CDH13: variants seen among roughly 807,000 people sequenced by gnomAD.
CDH13 encodes the protein cadherin-13.
CDH13 carries 24 observed loss-of-function variants against 63.8 expected under a neutral mutation model. The observed-to-expected ratio is 0.38, with a 90% CI of 0.27 to 0.53. CDH13 has a LOEUF of 0.53. CDH13 is among the 20% of genes least tolerant of loss of function. The probability of loss-of-function intolerance (pLI) is 0.85; values close to 1 mark genes in which losing one functional copy is unlikely to be tolerated. For synonymous variants in CDH13, 503 were observed against 355.3 expected (o/e 1.42, Z -4.67); for missense variants, 1,049 against 903.1 (o/e 1.16, Z -2.07).
At chr16:82,879,362 T>C (rs1364904317) in intron 2 of CDH13, among the ~76,000 whole-genome samples, 1 of 151,548 alleles carries the variant, frequency 6.6e-6, no homozygotes, top group Non-Finnish European at 1.5e-5. Context: ...TATCCATTAA[T>C]GTCATCTGAT....
At chr16:82,852,881 C>G (rs2039550231) in intron 1 of CDH13, among the ~76,000 whole-genome samples, 1 of 152,078 alleles carries the variant, frequency 6.6e-6, no homozygotes, top group Non-Finnish European at 1.5e-5. Flanking sequence ...AGTTGGCAAC[C>G]TACAGTATGG....
intron 7 of CDH13, among the ~76,000 whole-genome samples, chr16:83,583,042 G>A (rs1905778235): frequency 6.6e-6 from 1 of 152,174 alleles, no homozygotes; most frequent in Non-Finnish European, 1.5e-5. Context: ...AGGCCTTGCT[G>A]TCTCTCGTGG....
intron 2 of CDH13, among the ~76,000 whole-genome samples, chr16:82,909,758 A>G (rs1026850722): frequency 2.0e-5 from 3 of 152,234 alleles, no homozygotes; most frequent in Non-Finnish European, 2.9e-5. Context: ...CATGAGAATT[A>G]TGGGAGATCT....
chr16:82,800,297 A>G (rs574081347), intron 1 of CDH13, among the ~76,000 whole-genome samples: 1 of 152,262 alleles, frequency 6.6e-6, no homozygotes, highest in East Asian at 1.9e-4. Context: ...TCTCCTTTAA[A>G]ATTGTATTTT....
chr16:82,729,469 G>A (rs2033281371), intron 1 of CDH13, among the ~76,000 whole-genome samples: 1 of 152,102 alleles, frequency 6.6e-6, no homozygotes, highest in African/African-American at 2.4e-5. Flanking sequence ...TTGTCAATAG[G>A]CAGTGATATT....
chr16:82,786,518 T>C (rs2036017500), intron 1 of CDH13, among the ~76,000 whole-genome samples: 1 of 150,818 alleles, frequency 6.6e-6, no homozygotes, highest in African/African-American at 2.4e-5. Context: ...GTGTGTGTTT[T>C]ATTATACTTT....
intron 5 of CDH13, among the ~76,000 whole-genome samples, chr16:83,238,680 C>T (rs1024558615): frequency 6.6e-6 from 1 of 152,178 alleles, no homozygotes; most frequent in Non-Finnish European, 1.5e-5. Flanking sequence ...TCTTTCATCT[C>T]AGGCACCTAA....
At chr16:82,660,077 A>T (rs1911757308) in intron 1 of CDH13, among the ~76,000 whole-genome samples, 1 of 152,180 alleles carries the variant, frequency 6.6e-6, no homozygotes, top group Non-Finnish European at 1.5e-5. Flanking sequence ...AATGACATAA[A>T]TTTTAAAAAG....
intron 1 of CDH13, among the ~76,000 whole-genome samples, chr16:82,735,143 A>T (rs1197676395): frequency 6.6e-6 from 1 of 152,216 alleles, no homozygotes; most frequent in East Asian, 1.9e-4. Context: ...AAAAGGAAAC[A>T]AGCCAAGGGG....
chr16:82,894,273 A>T, intron 2 of CDH13, among the ~76,000 whole-genome samples: 1 of 152,166 alleles, frequency 6.6e-6, no homozygotes, highest in Admixed American at 6.5e-5. Flanking sequence ...GGATTAAAGG[A>T]TTGTTCTCCC....
intron 6 of CDH13, among the ~76,000 whole-genome samples, chr16:83,372,152 G>C (rs1468104542): frequency 6.6e-6 from 1 of 152,144 alleles, no homozygotes; most frequent in Non-Finnish European, 1.5e-5. Context: ...CTCATTCCCA[G>C]TTTGCAACAG....
rs562555567 is a variant in CDH13, at chr16:82,814,762, A to G, written c.46-43600A>G. 4.6e-5 allele frequency among the ~76,000 whole-genome samples: 7 copies of G among 152,294 alleles called. No homozygotes were observed. The South Asian group carries it at 1.0e-3, about 23-fold the overall frequency. On this transcript the variant is annotated intron_variant, in intron 1 of 13. Coordinates refer to ENST00000567109, the MANE Select transcript of CDH13 (RefSeq NM_001257.5). ...CAAAGAGGGGGTTGTGGGAACTCCA[A>G]TTTATAGTGGGTCAGTCAGAAGCAC... is the stretch of plus-strand genomic sequence containing the variant.
intron 5 of CDH13, among the ~76,000 whole-genome samples, chr16:83,323,208 TTC>T (rs2090276943): frequency 1.4e-5 from 2 of 147,826 alleles, no homozygotes; most frequent in Non-Finnish European, 3.0e-5. Flanking sequence ...CTTTCTTTCT[TTC>T]TTTCTTTCTT....
chr16:83,583,003 G>C (rs891730557), intron 7 of CDH13, among the ~76,000 whole-genome samples: 1 of 152,098 alleles, frequency 6.6e-6, no homozygotes, highest in Non-Finnish European at 1.5e-5. Flanking sequence ...CAATCCTAGA[G>C]CCCTGAAGTC....
intron 1 of CDH13, among the ~76,000 whole-genome samples, chr16:82,763,609 A>C (rs2151087104): frequency 6.6e-6 from 1 of 152,364 alleles, no homozygotes; most frequent in East Asian, 1.9e-4. Flanking sequence ...GAAAACAACA[A>C]CAGTGAATAC....
At chr16:83,156,491 G>T (rs1469386387) in intron 4 of CDH13, among the ~76,000 whole-genome samples, 1 of 152,176 alleles carries the variant, frequency 6.6e-6, no homozygotes, top group Non-Finnish European at 1.5e-5. Context: ...TCCTTTAGGG[G>T]AGTGATTGCC....
intron 8 of CDH13, among the ~76,000 whole-genome samples, chr16:83,650,277 G>A (rs1912243379): frequency 1.3e-5 from 2 of 152,192 alleles, no homozygotes; most frequent in Non-Finnish European, 2.9e-5. Flanking sequence ...TTCAAAAATT[G>A]TAGGGTAATG....
rs149536355 is a variant in CDH13, at chr16:83,296,212, C to CT, written c.637-48649dup. On this transcript the variant is annotated intron_variant, in intron 5 of 13. Coordinates refer to ENST00000567109, the MANE Select transcript of CDH13 (RefSeq NM_001257.5). ...TTTTCCCACTCTTCTTTGTGCTTCTCTGTCCTTAGTTGCTTTTCTCATTTA... is the reference window on the plus strand; with the variant it reads ...TTTTCCCACTCTTCTTTGTGCTTCTCTTGTCCTTAGTTGCTTTTCTCATTTA... Among the ~76,000 whole-genome samples the CT allele has an allele frequency of 3.9e-3, 597 of 152,328 alleles. 4 individuals carry two copies. The highest frequency in any genetic ancestry group is 0.011 in the African/African-American group (437 of 41,588).
chr16:83,174,020 C>G (rs1035336387), intron 4 of CDH13, among the ~76,000 whole-genome samples: 1 of 152,064 alleles, frequency 6.6e-6, no homozygotes, highest in Non-Finnish European at 1.5e-5. Flanking sequence ...CCAGTTATCA[C>G]TCGAGGGAAA....
Sources: gnomAD v4.1 joint callset for allele counts (sites outside exome capture counted in the v4.1 genomes callset) on GRCh38, gnomAD v4.1.1 for gene constraint, MANE v1.5 for transcripts, NCBI Gene and HGNC (gene_info 2026-07-23, HGNC 2026-07-21) for gene names.